Variants in GLIS3 observed in about 807,000 individuals in gnomAD.
The protein encoded by GLIS3 is zinc finger protein GLIS3.
A neutral mutation model predicts 78.6 loss-of-function variants in GLIS3; 53 were observed. That is an observed-to-expected ratio of 0.67 (90% CI 0.54 to 0.85). The LOEUF (loss-of-function observed/expected upper bound fraction) is 0.85. Ranked by LOEUF, GLIS3 falls within the 40% of genes least tolerant of loss-of-function variation. The pLI is 0.00. For synonymous variants in GLIS3, 684 were observed against 509.9 expected, an observed-to-expected ratio of 1.34 and a Z score of -4.60; for missense variants, 1,703 against 1,231.1, an observed-to-expected ratio of 1.38 and a Z score of -5.74.
intron 2 of GLIS3, among the ~76,000 whole-genome samples, chr9:4,226,770 A>G (rs1234354921): frequency 1.3e-5 from 2 of 152,212 alleles, no homozygotes; most frequent in Admixed American, 1.3e-4. Flanking sequence ...AGGAGTAACA[A>G]TATTTATCAC....
At chr9:4,236,204 A>G (rs7027085) in intron 2 of GLIS3, among the ~76,000 whole-genome samples, 116 of 86,398 alleles carry the variant, frequency 1.3e-3, no homozygotes, top group African/African-American at 3.5e-3. Context: ...AAAAAAAAAA[A>G]AAAGAAAGAA....
chr9:4,008,848 G>A lies in GLIS3; in HGVS notation c.1711-71659C>T, dbSNP rs1411939072. On this transcript the variant is annotated intron_variant, in intron 4 of 10. Coordinates refer to ENST00000381971, the MANE Select transcript of GLIS3 (RefSeq NM_001042413.2). Reference sequence around the variant, plus strand: ...ATCCACCTTTTATAGGTGAGGAAATGGAGATGAGGAGAAGTGAGGTGCATA... The same window carrying A: ...ATCCACCTTTTATAGGTGAGGAAATAGAGATGAGGAGAAGTGAGGTGCATA... Among the ~76,000 whole-genome samples, 5 of 152,010 alleles carry A rather than the reference G, an allele frequency of 3.3e-5. No homozygotes were observed. In the East Asian group the frequency reaches 9.6e-4, roughly 29 times the overall value.
chr9:4,003,817 T>G (rs78631483), intron 4 of GLIS3, among the ~76,000 whole-genome samples: 1,531 of 152,342 alleles, frequency 0.01, 32 homozygotes, highest in African/African-American at 0.035. Context: ...CGCTTACTCT[T>G]GCAACTTTCT....
At chr9:3,908,055 C>A (rs930599790) in intron 6 of GLIS3, among the ~76,000 whole-genome samples, 1 of 152,150 alleles carries the variant, frequency 6.6e-6, no homozygotes, top group Non-Finnish European at 1.5e-5. Flanking sequence ...CCGGATAATA[C>A]CAAAAGCCTA....
the GLIS3 span, among the ~76,000 whole-genome samples, chr9:4,465,800 C>T: frequency 2.0e-5 from 3 of 152,088 alleles, no homozygotes; most frequent in African/African-American, 7.2e-5. Context: ...GCCTCTGGCT[C>T]TAACTAAGTA....
At chr9:4,225,250 G>A (rs990426220) in intron 2 of GLIS3, among the ~76,000 whole-genome samples, 1 of 151,892 alleles carries the variant, frequency 6.6e-6, no homozygotes, top group Non-Finnish European at 1.5e-5. Flanking sequence ...CATATACTTC[G>A]CTCTTTAAAA....
chr9:4,434,269 T>C, the GLIS3 span, among the ~76,000 whole-genome samples: 1 of 152,192 alleles, frequency 6.6e-6, no homozygotes, highest in South Asian at 2.1e-4. Flanking sequence ...TGCCAGATGC[T>C]CTACTGGTGT....
the GLIS3 span, among the ~76,000 whole-genome samples, chr9:4,394,811 C>G: frequency 6.6e-6 from 1 of 152,172 alleles, no homozygotes; most frequent in Non-Finnish European, 1.5e-5. Flanking sequence ...CATAAGCTCT[C>G]CCTGTATTAT....
At chr9:4,061,634 A>G (rs1053056450) in intron 4 of GLIS3, among the ~76,000 whole-genome samples, 1 of 152,230 alleles carries the variant, frequency 6.6e-6, no homozygotes, top group Non-Finnish European at 1.5e-5. Flanking sequence ...AGTTTAGTGT[A>G]AAAATGAGAT....
At chr9:4,216,540 G>T (rs996702736) in intron 2 of GLIS3, among the ~76,000 whole-genome samples, 1 of 151,540 alleles carries the variant, frequency 6.6e-6, no homozygotes, top group Non-Finnish European at 1.5e-5. Flanking sequence ...AATGTGGGTT[G>T]AATTGGAAAA....
At chr9:4,119,451 T>C (rs1832018781) in intron 3 of GLIS3, among the ~76,000 whole-genome samples, 1 of 152,206 alleles carries the variant, frequency 6.6e-6, no homozygotes, top group Admixed American at 6.5e-5. Context: ...TATTAAGGAA[T>C]TACTCTGATT....
At chr9:4,327,304 G>A (rs1200321862) in intron 2 of GLIS3, among the ~76,000 whole-genome samples, 3 of 152,166 alleles carry the variant, frequency 2.0e-5, no homozygotes, top group Admixed American at 1.3e-4. Context: ...GTAGGGCCAT[G>A]TTGTATTCAG....
intron 3 of GLIS3, 84 bp downstream of exon 3, chr9:4,125,647 TGTG>T (rs1832516466): frequency 1.1e-6 from 1 of 878,040 alleles, no homozygotes; most frequent in Non-Finnish European, 1.9e-6. Flanking sequence ...TGTGTGTGTG[TGTG>T]TGTGTATTCA....
At chr9:3,990,046 T>C (rs1820098531) in intron 4 of GLIS3, among the ~76,000 whole-genome samples, 1 of 152,248 alleles carries the variant, frequency 6.6e-6, no homozygotes, top group Admixed American at 6.5e-5. Context: ...CATGTGAATT[T>C]ACAATTATCT....
intron 4 of GLIS3, among the ~76,000 whole-genome samples, chr9:3,979,044 G>A (rs1819026331): frequency 7.9e-5 from 12 of 152,150 alleles, no homozygotes; most frequent in Admixed American, 7.9e-4. Context: ...GGGCACCCAT[G>A]GATTTTGGTA....
chr9:3,982,383 T>C (rs1056335163), intron 4 of GLIS3, among the ~76,000 whole-genome samples: 2 of 152,160 alleles, frequency 1.3e-5, no homozygotes, highest in Non-Finnish European at 2.9e-5. Context: ...AGTACAGTCC[T>C]ACTTGCTCTC....
intron 2 of GLIS3, among the ~76,000 whole-genome samples, chr9:4,266,629 C>T (rs1826037638): frequency 7.0e-6 from 1 of 143,428 alleles, no homozygotes; most frequent in Non-Finnish European, 1.5e-5. Context: ...CACACACACA[C>T]ACTTTCCTTA....
chr9:3,869,711 C>G (rs1820852459), intron 8 of GLIS3, among the ~76,000 whole-genome samples: 1 of 152,124 alleles, frequency 6.6e-6, no homozygotes, highest in African/African-American at 2.4e-5. Context: ...GGTCTTTTAC[C>G]TTTCTCAAAC....
chr9:4,190,743 A>G lies in GLIS3; in HGVS notation c.389-64802T>C, dbSNP rs930647444. ...GACACATAATTGTCAGATTTACCAA[A>G]GTTGAAATGAATGAAAAAAATGTTA... On this transcript the variant is annotated intron_variant, in intron 2 of 10. Coordinates refer to ENST00000381971, the MANE Select transcript of GLIS3 (RefSeq NM_001042413.2). Among the ~76,000 whole-genome samples the G allele has an allele frequency of 2.6e-5, 4 of 152,310 alleles. No homozygotes were observed. In the South Asian group the frequency reaches 8.3e-4, roughly 32 times the overall value.
Sources: gnomAD v4.1 joint callset for allele counts (sites outside exome capture counted in the v4.1 genomes callset) on GRCh38, gnomAD v4.1.1 for gene constraint, MANE v1.5 for transcripts, NCBI Gene and HGNC (gene_info 2026-07-23, HGNC 2026-07-21) for gene names.